HECW2: variants seen among roughly 807,000 people sequenced by gnomAD.
The protein encoded by HECW2 is HECT, C2 and WW domain containing E3 ubiquitin protein ligase 2.
HECW2 carries 61 observed loss-of-function variants against 175.2 expected under a neutral mutation model. That is an observed-to-expected ratio of 0.35 (90% CI 0.28 to 0.43). The LOEUF is 0.43. Ranked by LOEUF, HECW2 falls within the 20% of genes least tolerant of loss-of-function variation. The probability of loss-of-function intolerance (pLI) is 1.00; values close to 1 mark genes in which losing one functional copy is unlikely to be tolerated. For missense variants in HECW2, 1,524 were observed against 2,000.5 expected, an observed-to-expected ratio of 0.76 and a Z score of 4.54; for synonymous variants, 671 against 731.0, an observed-to-expected ratio of 0.92 and a Z score of 1.32.
At chr2:196,559,729 G>A (rs188817620) in intron 1 of HECW2, among the ~76,000 whole-genome samples, 38 of 152,276 alleles carry the variant, frequency 2.5e-4, no homozygotes, top group Admixed American at 2.2e-3. Flanking sequence ...GAAAGGTTTT[G>A]AGCACTCTGG....
chr2:196,515,040 G>A (rs930903196), intron 1 of HECW2, among the ~76,000 whole-genome samples: 7 of 152,208 alleles, frequency 4.6e-5, no homozygotes, highest in South Asian at 2.1e-4. Context: ...ACCCTCTTTG[G>A]GGCTCTGCAG....
At chr2:196,517,302 C>T (rs1688185260) in intron 1 of HECW2, among the ~76,000 whole-genome samples, 1 of 152,122 alleles carries the variant, frequency 6.6e-6, no homozygotes, top group Admixed American at 6.5e-5. Context: ...TAATAACTAA[C>T]CACATTCTAA....
chr2:196,197,993 T>C lies in HECW2; in HGVS notation c.*3284A>G, dbSNP rs906139158. The C allele has an allele frequency of 6.6e-6, 1 of 152,212 alleles. No homozygotes were observed. Among genetic ancestry groups the C allele is most frequent in the African/African-American group, 2.4e-5 (1 of 41,452 alleles). 9.4% of individuals were successfully genotyped at this position (152,212 alleles called of 1,614,324 possible). A position where few individuals can be genotyped will look rare whatever the true frequency, so the allele number is the denominator to read the frequency against. ...AATTTCTGCTAAATTATAAACGCAA[T>C]ATATGCTAGAAAATTGTGACCATAC... On this transcript the variant is annotated 3_prime_UTR_variant, in exon 29 of 29. Coordinates refer to ENST00000644978, the MANE Select transcript of HECW2 (RefSeq NM_001348768.2).
chr2:196,331,172 G>A, intron 4 of HECW2: 2 of 985,354 alleles, frequency 2.0e-6, no homozygotes, highest in Non-Finnish European at 2.4e-6. Flanking sequence ...ACACACCAGG[G>A]TCCATCCAGG....
rs1423338849 is a variant in HECW2 at position 196,242,127 on chromosome 2, T to G, written c.3607A>C (p.Lys1203Gln). Residue 1203 changes from lysine to glutamine, a missense_variant, in exon 20 of 29, where the codon AAG becomes CAG. By Grantham distance (53) the Lys-to-Gln change is moderately conservative. Coordinates refer to ENST00000644978, the MANE Select transcript of HECW2 (RefSeq NM_001348768.2). Reference protein sequence around the residue: ...FEAKLRNFYRKLETKGYGQGP... With the variant: ...FEAKLRNFYRQLETKGYGQGP... Reference sequence around the variant, plus strand: ...TGTCCATATCCTTTAGTCTCTAACTTCCTGTAAAAGTTCCTCAGTTTGGCT... The same window carrying G: ...TGTCCATATCCTTTAGTCTCTAACTGCCTGTAAAAGTTCCTCAGTTTGGCT... 1 of 1,614,190 alleles carries G rather than the reference T, an allele frequency of 6.2e-7. No homozygotes were observed. The highest frequency in any genetic ancestry group is 1.7e-5 in the Admixed American group (1 of 60,030).
Position 196,317,344 on chromosome 2 carries a change from T to C in HECW2, c.2364A>G (p.Pro788=). Residue 788 remains proline (P), a synonymous_variant, in exon 10 of 29, where the codon CCA becomes CCG. Coordinates refer to ENST00000644978, the MANE Select transcript of HECW2 (RefSeq NM_001348768.2). ...GGCGCACTGAAGGTAGTGATCGCAGTGGCTGGTGGCCGTTGGCTTGAGAAC... is the reference window on the plus strand; with the variant it reads ...GGCGCACTGAAGGTAGTGATCGCAGCGGCTGGTGGCCGTTGGCTTGAGAAC... ...TGGSQANGHQ[P]LRSLPSVRQD... 6.2e-7 allele frequency: 1 copy of C among 1,613,328 alleles called. No homozygotes were observed. The highest frequency in any genetic ancestry group is 1.1e-5 in the South Asian group (1 of 90,758).
At chr2:196,427,713 A>G (rs1393109556) in intron 2 of HECW2, among the ~76,000 whole-genome samples, 1 of 152,170 alleles carries the variant, frequency 6.6e-6, no homozygotes, top group Non-Finnish European at 1.5e-5. Context: ...TCCGCAAACC[A>G]TCTGCAAGGG....
chr2:196,555,005 T>C (rs1392525900), intron 1 of HECW2, among the ~76,000 whole-genome samples: 1 of 152,078 alleles, frequency 6.6e-6, no homozygotes, highest in Non-Finnish European at 1.5e-5. Flanking sequence ...CCCTCTACTT[T>C]AAAAGGCCAA....
At chr2:196,341,316 CTTTTCCCCTG>C (rs1692743751) in intron 3 of HECW2, among the ~76,000 whole-genome samples, 1 of 152,018 alleles carries the variant, frequency 6.6e-6, no homozygotes, top group African/African-American at 2.4e-5. Context: ...GTGATTTTAC[CTTTTCCCCTG>C]AAGTTCAGTT....
chr2:196,357,251 T>C (rs879675669), intron 2 of HECW2, among the ~76,000 whole-genome samples: 1 of 148,186 alleles, frequency 6.7e-6, no homozygotes, highest in African/African-American at 2.5e-5. Context: ...CTATAGCCGA[T>C]ACAAATATCC....
At chr2:196,314,903 C>T (rs1691631573) in intron 10 of HECW2, among the ~76,000 whole-genome samples, 1 of 151,808 alleles carries the variant, frequency 6.6e-6, no homozygotes, top group Non-Finnish European at 1.5e-5. Context: ...AAGTCAGACG[C>T]ATGACCAGAG....
chr2:196,593,281 G>T (rs1057112245), intron 1 of HECW2, among the ~76,000 whole-genome samples: 1 of 151,218 alleles, frequency 6.6e-6, no homozygotes, highest in African/African-American at 2.4e-5. Context: ...CGCTCGGGAG[G>T]GCGCCGGGGG....
chr2:196,330,552 T>TAAAAA (rs1351955394), intron 4 of HECW2, among the ~76,000 whole-genome samples: 11 of 152,176 alleles, frequency 7.2e-5, no homozygotes, highest in Non-Finnish European at 1.3e-4. Flanking sequence ...TGGGCTTTTA[T>TAAAAA]CTCCATCCTT....
At chr2:196,236,011 T>C (rs1287027446) in intron 21 of HECW2, among the ~76,000 whole-genome samples, 2 of 152,178 alleles carry the variant, frequency 1.3e-5, no homozygotes, top group Non-Finnish European at 2.9e-5. Flanking sequence ...GCTAATCTAC[T>C]GTAAATAAAG....
At chr2:196,587,815 T>C (rs549302316) in intron 1 of HECW2, among the ~76,000 whole-genome samples, 2 of 152,268 alleles carry the variant, frequency 1.3e-5, no homozygotes, top group South Asian at 4.1e-4. Flanking sequence ...GAAATCATAA[T>C]TAAATGGCCT....
At chr2:196,457,897 A>G (rs975976162) in intron 1 of HECW2, among the ~76,000 whole-genome samples, 1 of 152,230 alleles carries the variant, frequency 6.6e-6, no homozygotes, top group Non-Finnish European at 1.5e-5. Context: ...ATTTATCAAT[A>G]AAGCATTATG....
chr2:196,300,467 C>T (rs1487890619), intron 13 of HECW2, among the ~76,000 whole-genome samples: 2 of 152,160 alleles, frequency 1.3e-5, no homozygotes, highest in Non-Finnish European at 2.9e-5. Context: ...TATTCAAAAA[C>T]TATTGACAAA....
intron 1 of HECW2, among the ~76,000 whole-genome samples, chr2:196,589,890 C>T (rs1251041008): frequency 6.6e-6 from 1 of 152,166 alleles, no homozygotes; most frequent in African/African-American, 2.4e-5. Context: ...GGCTTACAGC[C>T]ACGGCAGATG....
chr2:196,389,139 C>G (rs751283192), intron 2 of HECW2, among the ~76,000 whole-genome samples: 22 of 152,288 alleles, frequency 1.4e-4, no homozygotes, highest in South Asian at 4.1e-4. Context: ...TCACCCATAT[C>G]TGGTTTTACA....
Sources: allele counts gnomAD v4.1 joint callset (sites outside exome capture counted in the v4.1 genomes callset), GRCh38; gene constraint gnomAD v4.1.1; transcripts MANE v1.5; gene names NCBI Gene and HGNC (gene_info 2026-07-23, HGNC 2026-07-21).